The following CDYL2 variants were observed in gnomAD, a reference collection of about 807,000 sequenced individuals.
CDYL2 encodes the protein chromodomain Y-like protein 2.
Under a neutral mutation model 49.4 loss-of-function variants are expected in CDYL2, and 23 were observed. The observed-to-expected ratio is 0.47, with a 90% confidence interval of 0.34 to 0.66. The LOEUF is 0.66. Ranked by LOEUF, CDYL2 falls within the 30% of genes least tolerant of loss-of-function variation. The probability of loss-of-function intolerance (pLI) is 0.01; values close to 1 mark genes in which losing one functional copy is unlikely to be tolerated. For synonymous variants in CDYL2, 360 were observed against 268.8 expected (o/e 1.34, Z -3.32); for missense variants, 678 against 656.4 (o/e 1.03, Z -0.36).
chr16:80,656,224 T>G (rs1166336442), intron 2 of CDYL2, among the ~76,000 whole-genome samples: 1 of 152,250 alleles, frequency 6.6e-6, no homozygotes, highest in African/African-American at 2.4e-5. Flanking sequence ...CAATGTCAGC[T>G]GGAGGACACC....
chr16:80,620,935 T>G lies in CDYL2; in HGVS notation c.835A>C (p.Ile279Leu). 6.3e-7 allele frequency: 1 copy of G among 1,592,942 alleles called. No homozygotes were observed. Among genetic ancestry groups the G allele is most frequent in the Non-Finnish European group, 8.6e-7 (1 of 1,165,774 alleles). Residue 279 changes from isoleucine to leucine, a missense_variant and splice_region_variant, in exon 4 of 7, where the codon ATC becomes CTC. Coordinates refer to ENST00000570137, the MANE Select transcript of CDYL2 (RefSeq NM_152342.4). ...TSDNNALTPEIMKEVRRALCN... is the reference protein window; with the variant it reads ...TSDNNALTPELMKEVRRALCN... ...AGCGCTCGCCGGACTTCTTTCATGA[T>G]CTGCCGGCAGAGATGAATTTGCAGG... is the stretch of plus-strand genomic sequence containing the variant.
At chr16:80,779,325 A>G (rs895157502) in intron 1 of CDYL2, among the ~76,000 whole-genome samples, 1 of 151,184 alleles carries the variant, frequency 6.6e-6, no homozygotes, top group African/African-American at 2.5e-5. Flanking sequence ...TCAATAAGAA[A>G]TGAAAAACAC....
In CDYL2 at chr16:80,601,515, T is replaced by C. The variant is rs985048412; in HGVS notation, c.*2873A>G. 4 of 152,062 alleles carry C rather than the reference T, an allele frequency of 2.6e-5. No homozygotes were observed. Among genetic ancestry groups the C allele is most frequent in the Non-Finnish European group, 5.9e-5 (4 of 68,040 alleles). The allele number at this position is 152,062 out of a possible 1,614,324, so 9.4% of individuals were successfully genotyped here. On this transcript the variant is annotated 3_prime_UTR_variant, in exon 7 of 7. Transcript: ENST00000570137. ...TAGAGAGAGGGGAGAAAGGATCCCA[T>C]AGACAGAGAGGGGGCCCTGGGGTGG... is the stretch of plus-strand genomic sequence containing the variant.
intron 3 of CDYL2, among the ~76,000 whole-genome samples, chr16:80,623,239 G>A (rs896842479): frequency 6.6e-6 from 1 of 151,974 alleles, no homozygotes; most frequent in Non-Finnish European, 1.5e-5. Flanking sequence ...TGCGCCTCTG[G>A]GGCTACGGTT....
At chr16:80,685,173 G>T in intron 1 of CDYL2, 44 bp from the exon 2 acceptor site, 1 of 1,501,102 alleles carries the variant, frequency 6.7e-7, no homozygotes. Flanking sequence ...GAGAGAGGGA[G>T]GAAAAAACTC....
At position 80,742,936 on chromosome 16, in the gene CDYL2, G is replaced by A. The variant is rs189623261; in HGVS notation, c.25-57807C>T. ...ATGGATGGATGGATGAATAAATGAA[G>A]GACAGATAGGTGGATGGGTAGATGA... On this transcript the variant is annotated intron_variant, in intron 1 of 6. Transcript: ENST00000570137. 1.5e-3 allele frequency among the ~76,000 whole-genome samples: 232 copies of A among 149,680 alleles called. 1 individual carries two copies. The highest frequency in any genetic ancestry group is 5.4e-3 in the African/African-American group (218 of 40,710).
intron 1 of CDYL2, among the ~76,000 whole-genome samples, chr16:80,800,397 A>G (rs1907889981): frequency 6.6e-6 from 1 of 152,190 alleles, no homozygotes; most frequent in Non-Finnish European, 1.5e-5. Flanking sequence ...GGCTAGACCA[A>G]CTTGCAAAAA....
chr16:80,704,638 G>C (rs955039914), intron 1 of CDYL2, among the ~76,000 whole-genome samples: 1 of 152,246 alleles, frequency 6.6e-6, no homozygotes, highest in African/African-American at 2.4e-5. Flanking sequence ...GTGACATTCA[G>C]AATGGAAGGA....
chr16:80,685,804 G>C (rs1910166818), intron 1 of CDYL2, among the ~76,000 whole-genome samples: 1 of 152,158 alleles, frequency 6.6e-6, no homozygotes, highest in Non-Finnish European at 1.5e-5. Context: ...CAGAACTGGG[G>C]TTTGAACCAC....
At chr16:80,754,514 C>T (rs988432308) in intron 1 of CDYL2, among the ~76,000 whole-genome samples, 7 of 152,192 alleles carry the variant, frequency 4.6e-5, no homozygotes, top group African/African-American at 1.7e-4. Flanking sequence ...ACCCATTATG[C>T]TCCATAAACT....
chr16:80,783,812 T>C (rs543271418), intron 1 of CDYL2, among the ~76,000 whole-genome samples: 16 of 152,288 alleles, frequency 1.1e-4, no homozygotes, highest in South Asian at 6.2e-4. Flanking sequence ...AAAGGCCATA[T>C]GTTATACAAT....
intron 4 of CDYL2, among the ~76,000 whole-genome samples, chr16:80,618,397 T>A (rs1906927243): frequency 1.3e-5 from 2 of 152,120 alleles, no homozygotes; most frequent in Admixed American, 1.3e-4. Flanking sequence ...CAGACCCCAA[T>A]GGGTAGAGGC....
At chr16:80,640,702 C>T (rs992982588) in intron 2 of CDYL2, among the ~76,000 whole-genome samples, 1 of 152,018 alleles carries the variant, frequency 6.6e-6, no homozygotes, top group African/African-American at 2.4e-5. Context: ...TTAAAAATAA[C>T]ACAGAGAAGG....
chr16:80,644,707 G>A (rs546526532), intron 2 of CDYL2, among the ~76,000 whole-genome samples: 49 of 152,208 alleles, frequency 3.2e-4, no homozygotes, highest in African/African-American at 1.2e-3. Flanking sequence ...GGGGGAAACT[G>A]CCCCCATGAT....
At chr16:80,629,634 G>A (rs1907462421) in intron 3 of CDYL2, among the ~76,000 whole-genome samples, 1 of 152,202 alleles carries the variant, frequency 6.6e-6, no homozygotes, top group African/African-American at 2.4e-5. Context: ...CTGGTTCTCT[G>A]CTGTATCCCA....
chr16:80,735,342 A>T (rs1905482893), intron 1 of CDYL2, among the ~76,000 whole-genome samples: 2 of 152,232 alleles, frequency 1.3e-5, no homozygotes. Flanking sequence ...AGAAAAATAA[A>T]GTACAGTCTG....
chr16:80,634,348 G>A (rs567874013), intron 2 of CDYL2, among the ~76,000 whole-genome samples: 4 of 152,264 alleles, frequency 2.6e-5, no homozygotes, highest in East Asian at 3.9e-4. Flanking sequence ...CCTTTGCAGC[G>A]ACATAGATGA....
chr16:80,786,141 C>T (rs923498753), intron 1 of CDYL2, among the ~76,000 whole-genome samples: 10 of 151,686 alleles, frequency 6.6e-5, no homozygotes, highest in South Asian at 4.1e-4. Context: ...AGAGCTTCTG[C>T]GCAGCAAAAG....
chr16:80,673,775 T>C (rs1336717482), intron 2 of CDYL2, among the ~76,000 whole-genome samples: 1 of 152,168 alleles, frequency 6.6e-6, no homozygotes, highest in African/African-American at 2.4e-5. Flanking sequence ...AAAAGGACTT[T>C]GTGAATGGGA....
Sources: allele counts gnomAD v4.1 joint callset (sites outside exome capture counted in the v4.1 genomes callset), GRCh38; gene constraint gnomAD v4.1.1; transcripts MANE v1.5; gene names NCBI Gene and HGNC (gene_info 2026-07-23, HGNC 2026-07-21).